The following DNASE2B variants were observed in gnomAD, a reference collection of about 807,000 sequenced individuals.
The protein encoded by DNASE2B is deoxyribonuclease 2 beta.
Under a neutral mutation model 46.0 loss-of-function variants are expected in DNASE2B, and 43 were observed. The ratio of observed to expected loss-of-function variants is 0.94; its 90% confidence interval spans 0.73 to 1.21. The LOEUF is 1.21. Among genes scored for constraint, DNASE2B ranks in the 50% most tolerant of loss-of-function variants. The pLI, the probability that DNASE2B is intolerant of heterozygous loss-of-function variation, is 0.00. For missense variants in DNASE2B, 395 were observed against 414.4 expected (o/e 0.95, Z 0.41); for synonymous variants, 156 against 152.5 (o/e 1.02, Z -0.17).
At position 84,402,641 on chromosome 1, in the gene DNASE2B, G is replaced by C. The variant is rs138419199; in HGVS notation, c.303+563G>C. Among the ~76,000 whole-genome samples, 184 of 152,256 alleles carry C rather than the reference G, an allele frequency of 1.2e-3. 1 individual carries two copies. Among genetic ancestry groups the C allele is most frequent in the Admixed American group, 3.3e-3 (51 of 15,304 alleles). On this transcript the variant is annotated intron_variant, in intron 2 of 5. Coordinates refer to ENST00000370665, the MANE Select transcript of DNASE2B (RefSeq NM_021233.3). ...TCCCTGCTATATCTGGACTTTATCA[G>C]GCAATGAGCTAATCAGCCAAAGAGA... is the stretch of plus-strand genomic sequence containing the variant.
At chr1:84,398,772 G>T in intron 1 of DNASE2B, 83 bp downstream of exon 1, 1 of 1,539,290 alleles carries the variant, frequency 6.5e-7, no homozygotes, top group Non-Finnish European at 8.8e-7. Context: ...GTTCCTAAGG[G>T]GAATGTCCAT....
chr1:84,411,436 G>A (rs1416221771), intron 4 of DNASE2B, among the ~76,000 whole-genome samples: 10 of 1,030 alleles, frequency 9.7e-3, no homozygotes, highest in African/African-American at 0.021. Flanking sequence ...GTGTGTGTGT[G>A]TGTGTGTGTG....
Position 84,410,942 on chromosome 1 carries a change from C to T in DNASE2B, c.490C>T (p.Arg164Ter), listed in dbSNP as rs756099350. The change falls in exon 4 of 6, where the codon CGA becomes TGA. Residue 164 changes from arginine to a stop codon, truncating the protein, a stop_gained. Transcript: ENST00000370665. LOFTEE classifies it high-confidence loss of function. ...EGYDYPPTGR[R>*]NGQSGICITF... ...CTATGATTATCCACCCACAGGGAGACGAAATGGACAAAGTGGCATCTGCAT... is the reference window on the plus strand; with the variant it reads ...CTATGATTATCCACCCACAGGGAGATGAAATGGACAAAGTGGCATCTGCAT... The T allele has an allele frequency of 3.0e-5, 49 of 1,612,384 alleles. No individual in the cohort carries two copies. Among genetic ancestry groups the T allele is most frequent in the South Asian group, 1.8e-4 (16 of 90,714 alleles).
rs771122658 is a variant in DNASE2B at position 84,402,038 on chromosome 1, G to C, written c.263G>C (p.Gly88Ala). Reference sequence around the variant, plus strand: ...ATGAATGACACCAAGAGTGTTTTGGGAAGGACATTACAACAGCTATATGAA... The same window carrying C: ...ATGAATGACACCAAGAGTGTTTTGGCAAGGACATTACAACAGCTATATGAA... ...QLMNDTKSVL[G>A]RTLQQLYEAY... Residue 88 changes from glycine to alanine, a missense_variant, in exon 2 of 6, where the codon GGA becomes GCA. Transcript: ENST00000370665. 3.1e-6 allele frequency: 5 copies of C among 1,608,962 alleles called. No homozygotes were observed. The highest frequency in any genetic ancestry group is 1.7e-4 in the Middle Eastern group (1 of 6,056).
chr1:84,404,386 A>AT (rs747423949), intron 2 of DNASE2B, among the ~76,000 whole-genome samples: 9 of 152,138 alleles, frequency 5.9e-5, no homozygotes, highest in Admixed American at 6.5e-5. Context: ...CTGAACACAG[A>AT]TTTTTCCAGC....
At chr1:84,414,302 C>A (rs142735810) in intron 5 of DNASE2B, among the ~76,000 whole-genome samples, 31 of 152,288 alleles carry the variant, frequency 2.0e-4, no homozygotes, top group African/African-American at 7.0e-4. Context: ...AAGATGTTTG[C>A]AAACACCAAC....
At chr1:84,404,706 A>C (rs990380268) in intron 2 of DNASE2B, among the ~76,000 whole-genome samples, 3 of 152,212 alleles carry the variant, frequency 2.0e-5, no homozygotes, top group African/African-American at 7.2e-5. Flanking sequence ...CCTTACTGGC[A>C]AGGTACCTTC....
Position 84,414,904 on chromosome 1 carries a change from C to T in DNASE2B, c.*36C>T, listed in dbSNP as rs1680668847. 1.3e-6 allele frequency: 2 copies of T among 1,484,074 alleles called. No individual in the cohort carries two copies. Among genetic ancestry groups the T allele is most frequent in the African/African-American group, 2.8e-5 (2 of 71,456 alleles). 91.9% of individuals were successfully genotyped at this position (1,484,074 alleles called of 1,614,324 possible). On this transcript the variant is annotated 3_prime_UTR_variant, in exon 6 of 6. Coordinates refer to ENST00000370665, the MANE Select transcript of DNASE2B (RefSeq NM_021233.3). ...AGGACACAGGTACTATCATTGAAAA[C>T]CTTGACAATGGGTCTTCTTCCATTA...
At chr1:84,402,488 T>TTAG (rs1680437963) in intron 2 of DNASE2B, among the ~76,000 whole-genome samples, 2 of 152,218 alleles carry the variant, frequency 1.3e-5, no homozygotes, top group East Asian at 1.9e-4. Context: ...ATGGTGTTGA[T>TTAG]CAGTGGTGGT....
intron 4 of DNASE2B, among the ~76,000 whole-genome samples, chr1:84,412,025 G>A (rs1329103045): frequency 6.6e-6 from 1 of 152,008 alleles, no homozygotes; most frequent in African/African-American, 2.4e-5. Flanking sequence ...CATAATCTTG[G>A]GTGTGTGATG....
intron 5 of DNASE2B, among the ~76,000 whole-genome samples, chr1:84,413,359 G>T (rs571881111): frequency 6.6e-6 from 1 of 152,026 alleles, no homozygotes; most frequent in Non-Finnish European, 1.5e-5. Flanking sequence ...TTGCTTATTT[G>T]CTTCCTTCCT....
chr1:84,412,636 A>G (rs1461565378), intron 5 of DNASE2B, 90 bp downstream of exon 5: 22 of 1,225,686 alleles, frequency 1.8e-5, no homozygotes, highest in Non-Finnish European at 2.3e-5. Flanking sequence ...GAGTATTCAG[A>G]GAAAGAGAGA....
At chr1:84,401,814 A>C in intron 1 of DNASE2B, 87 bp from the exon 2 acceptor site, 1 of 1,019,360 alleles carries the variant, frequency 9.8e-7, no homozygotes, top group South Asian at 2.1e-5. Context: ...AACAGAAATG[A>C]GAGATATATT....
At chr1:84,400,111 G>A (rs185731380) in intron 1 of DNASE2B, among the ~76,000 whole-genome samples, 6 of 152,316 alleles carry the variant, frequency 3.9e-5, no homozygotes, top group Non-Finnish European at 5.9e-5. Context: ...GCTCACGCCT[G>A]TAAGCCCAGC....
chr1:84,413,663 G>A (rs1352757265), intron 5 of DNASE2B, among the ~76,000 whole-genome samples: 1 of 151,990 alleles, frequency 6.6e-6, no homozygotes, highest in Non-Finnish European at 1.5e-5. Flanking sequence ...ACCCATGCTG[G>A]GCAATTCCAG....
At chr1:84,411,078 C>T in intron 4 of DNASE2B, 79 bp downstream of exon 4, 1 of 1,442,034 alleles carries the variant, frequency 6.9e-7, no homozygotes, top group Admixed American at 2.0e-5. Context: ...AAATGTGTCA[C>T]TTCATTTGTT....
At position 84,408,424 on chromosome 1, in the gene DNASE2B, T is replaced by A; in HGVS notation, c.304-13T>A. ...AAGATTTACGCCATTATAACCCTAATATATTCCTGCAGAGTAACAACACAG... is the reference window on the plus strand; with the variant it reads ...AAGATTTACGCCATTATAACCCTAAAATATTCCTGCAGAGTAACAACACAG... On this transcript the variant is annotated splice_polypyrimidine_tract_variant and intron_variant, in intron 2 of 5. Coordinates refer to ENST00000370665, the MANE Select transcript of DNASE2B (RefSeq NM_021233.3). 1 of 1,602,640 alleles carries A rather than the reference T, an allele frequency of 6.2e-7. No individual in the cohort carries two copies. The highest frequency in any genetic ancestry group is 8.5e-7 in the Non-Finnish European group (1 of 1,174,880).
intron 2 of DNASE2B, among the ~76,000 whole-genome samples, chr1:84,408,056 G>A (rs1023865678): frequency 6.6e-6 from 1 of 152,134 alleles, no homozygotes; most frequent in Non-Finnish European, 1.5e-5. Context: ...AACCTCAGAT[G>A]TAATCCTTGG....
At chr1:84,406,770 C>T (rs1487466954) in intron 2 of DNASE2B, among the ~76,000 whole-genome samples, 1 of 152,122 alleles carries the variant, frequency 6.6e-6, no homozygotes, top group Admixed American at 6.6e-5. Context: ...ACTCCTCCAC[C>T]CCCTGACCTG....
Sources: gnomAD v4.1 joint callset for allele counts (sites outside exome capture counted in the v4.1 genomes callset) on GRCh38, gnomAD v4.1.1 for gene constraint, MANE v1.5 for transcripts, NCBI Gene and HGNC (gene_info 2026-07-23, HGNC 2026-07-21) for gene names.